NXPH1: variants seen among roughly 807,000 people sequenced by gnomAD.
NXPH1 encodes the protein neurexophilin-1.
Under a neutral mutation model 23.7 loss-of-function variants are expected in NXPH1, and 5 were observed. That is an observed-to-expected ratio of 0.21 (90% confidence interval 0.11 to 0.44). The LOEUF is 0.44. Among genes scored for constraint, NXPH1 ranks in the 20% least tolerant of loss-of-function variants. The probability of loss-of-function intolerance (pLI) is 0.99; values close to 1 mark genes in which losing one functional copy is unlikely to be tolerated. For synonymous variants in NXPH1, 144 were observed against 122.2 expected (o/e 1.18, Z -1.18); for missense variants, 324 against 321.6 (o/e 1.01, Z -0.06).
At chr7:8,485,955 G>A (rs538089481) in intron 2 of NXPH1, among the ~76,000 whole-genome samples, 1 of 152,106 alleles carries the variant, frequency 6.6e-6, no homozygotes, top group Non-Finnish European at 1.5e-5. Flanking sequence ...ATTGACTTTA[G>A]TTATAAAGAT....
At chr7:8,537,447 G>T (rs1034078594) in intron 2 of NXPH1, among the ~76,000 whole-genome samples, 1 of 151,910 alleles carries the variant, frequency 6.6e-6, no homozygotes, top group African/African-American at 2.4e-5. Flanking sequence ...CCTTCACATG[G>T]TGACAGCAAG....
chr7:8,458,593 T>G (rs568083517), intron 2 of NXPH1, among the ~76,000 whole-genome samples: 1 of 152,210 alleles, frequency 6.6e-6, no homozygotes, highest in East Asian at 1.9e-4. Flanking sequence ...AATCCCAGAC[T>G]TCGACTTTAT....
At chr7:8,553,455 G>A (rs565762868) in intron 2 of NXPH1, among the ~76,000 whole-genome samples, 2 of 151,056 alleles carry the variant, frequency 1.3e-5, no homozygotes, top group Non-Finnish European at 3.0e-5. Flanking sequence ...GTAAATAAAT[G>A]CTTGTTGGAT....
intron 2 of NXPH1, among the ~76,000 whole-genome samples, chr7:8,713,786 G>T (rs187736849): frequency 6.6e-6 from 1 of 152,312 alleles, no homozygotes; most frequent in Non-Finnish European, 1.5e-5. Flanking sequence ...AGAGATTCGT[G>T]TTCTCTTCCC....
intron 2 of NXPH1, among the ~76,000 whole-genome samples, chr7:8,607,155 T>G (rs1819512435): frequency 6.6e-6 from 1 of 152,168 alleles, no homozygotes; most frequent in Non-Finnish European, 1.5e-5. Context: ...AGTTTGAACT[T>G]GAACAGTGTG....
chr7:8,659,008 T>A (rs868352020), intron 2 of NXPH1, among the ~76,000 whole-genome samples: 2,188 of 22,870 alleles, frequency 0.096, 548 homozygotes, highest in African/African-American at 0.17. Flanking sequence ...TATATATATT[T>A]TTTTTTTTTT....
At position 8,751,253 on chromosome 7, in the gene NXPH1, T is replaced by A. The variant is rs1206399224; in HGVS notation, c.300T>A (p.Pro100=). ...GGAACTCCACAGACCTTCAAGAGCC[T>A]CGGCCCAGGGCCAAGAGAAGGCCCA... ...WLRNSTDLQE[P]RPRAKRRPIV... The change falls in exon 3 of 3, where the codon CCT becomes CCA. Residue 100 remains proline (P), a synonymous_variant. Coordinates refer to ENST00000405863, the MANE Select transcript of NXPH1 (RefSeq NM_152745.3). The surrounding 1 kb of genome is among the most constrained non-coding windows in gnomAD (Gnocchi z 4.5). 1 of 1,613,886 alleles carries A rather than the reference T, an allele frequency of 6.2e-7. No individual in the cohort carries two copies. Among genetic ancestry groups the A allele is most frequent in the Non-Finnish European group, 8.5e-7 (1 of 1,179,832 alleles).
chr7:8,588,890 A>G (rs1819034630), intron 2 of NXPH1, among the ~76,000 whole-genome samples: 2 of 152,186 alleles, frequency 1.3e-5, no homozygotes, highest in African/African-American at 4.8e-5. Flanking sequence ...ACAATTAAGG[A>G]AATAAGGTTG....
intron 2 of NXPH1, among the ~76,000 whole-genome samples, chr7:8,493,087 C>T (rs946585772): frequency 2.0e-5 from 3 of 151,978 alleles, no homozygotes; most frequent in Admixed American, 6.6e-5. Flanking sequence ...AATCCACTCT[C>T]CTCTCGACTA....
At position 8,751,756 on chromosome 7, in the gene NXPH1, T is replaced by C; in HGVS notation, c.803T>C (p.Phe268Ser). The C allele has an allele frequency of 1.2e-6, 2 of 1,609,396 alleles. No homozygotes were observed. The highest frequency in any genetic ancestry group is 1.7e-6 in the Non-Finnish European group (2 of 1,177,606). The change falls in exon 3 of 3, where the codon TTT becomes TCT. Residue 268 changes from phenylalanine (F) to serine (S), a missense_variant. Coordinates refer to ENST00000405863, the MANE Select transcript of NXPH1 (RefSeq NM_152745.3). The surrounding 1 kb of genome is among the most constrained non-coding windows in gnomAD (Gnocchi z 4.5). The part of the protein sequence containing the change: ...DYNYHSDTPY[F>S]PSG ...AACTACCACAGTGACACACCTTACT[T>C]TCCCTCGGGATGAAGGTGAACATGG...
At chr7:8,547,822 G>A (rs1424436692) in intron 2 of NXPH1, among the ~76,000 whole-genome samples, 1 of 151,378 alleles carries the variant, frequency 6.6e-6, no homozygotes, top group African/African-American at 2.4e-5. Context: ...TGCTACAAGG[G>A]ACATAATTCT....
chr7:8,569,983 G>A (rs912962856), intron 2 of NXPH1, among the ~76,000 whole-genome samples: 2 of 151,854 alleles, frequency 1.3e-5, no homozygotes, highest in Non-Finnish European at 2.9e-5. Flanking sequence ...ATATGACAAT[G>A]TATGTAAAAT....
At chr7:8,499,257 A>G (rs1236430193) in intron 2 of NXPH1, among the ~76,000 whole-genome samples, 1 of 152,076 alleles carries the variant, frequency 6.6e-6, no homozygotes, top group African/African-American at 2.4e-5. Context: ...GAGCATAAGA[A>G]TGCTCCTTCC....
intron 2 of NXPH1, among the ~76,000 whole-genome samples, chr7:8,750,198 G>C (rs1195407862): frequency 6.6e-6 from 1 of 152,090 alleles, no homozygotes; most frequent in Non-Finnish European, 1.5e-5. Context: ...ATTTTGTTTT[G>C]ACCGGTTAAA....
chr7:8,597,274 G>A (rs17152060), intron 2 of NXPH1, among the ~76,000 whole-genome samples: 2 of 152,050 alleles, frequency 1.3e-5, no homozygotes, highest in African/African-American at 4.8e-5. Flanking sequence ...GCCATTAAAG[G>A]GTAAAGTTTA....
chr7:8,673,504 A>G (rs1158429881), intron 2 of NXPH1, among the ~76,000 whole-genome samples: 1 of 152,180 alleles, frequency 6.6e-6, no homozygotes, highest in Admixed American at 6.5e-5. Context: ...CAAGTCAAAG[A>G]GGCTGTGTGG....
chr7:8,733,789 A>G (rs1780199173), intron 2 of NXPH1, among the ~76,000 whole-genome samples: 1 of 152,142 alleles, frequency 6.6e-6, no homozygotes, highest in Non-Finnish European at 1.5e-5. Flanking sequence ...CCTTTGTCAG[A>G]TGGATAGATT....
chr7:8,670,235 T>C (rs115454324), intron 2 of NXPH1, among the ~76,000 whole-genome samples: 2,695 of 152,314 alleles, frequency 0.018, 78 homozygotes, highest in African/African-American at 0.061. Context: ...GTAGATGTCC[T>C]TTGAGGTAGT....
intron 2 of NXPH1, among the ~76,000 whole-genome samples, chr7:8,711,235 G>C (rs537554573): frequency 7.2e-5 from 11 of 152,126 alleles, no homozygotes; most frequent in Non-Finnish European, 1.5e-4. Flanking sequence ...GACCCCATTG[G>C]CCTTCTAGAT....
Sources: allele counts gnomAD v4.1 joint callset (sites outside exome capture counted in the v4.1 genomes callset), GRCh38; gene constraint gnomAD v4.1.1; non-coding constraint Gnocchi (gnomAD v3.1); transcripts MANE v1.5; gene names NCBI Gene and HGNC (gene_info 2026-07-23, HGNC 2026-07-21).